COL13A1: variants seen among roughly 807,000 people sequenced by gnomAD.
COL13A1 encodes collagen alpha-1(XIII) chain.
In COL13A1, 89 loss-of-function variants were observed where a neutral mutation model predicts 130.9. That is an observed-to-expected ratio of 0.68 (90% CI 0.57 to 0.81). COL13A1 has a LOEUF of 0.81. Among genes scored for constraint, COL13A1 ranks in the 30% least tolerant of loss-of-function variants. The pLI is 0.00. For synonymous variants in COL13A1, 402 were observed against 341.6 expected, an observed-to-expected ratio of 1.18 and a Z score of -1.95; for missense variants, 879 against 934.6, an observed-to-expected ratio of 0.94 and a Z score of 0.78.
intron 17 of COL13A1, among the ~76,000 whole-genome samples, chr10:69,909,376 C>T (rs1233957383): frequency 2.0e-5 from 3 of 152,228 alleles, no homozygotes; most frequent in Admixed American, 2.0e-4. Context: ...GTGAGGCCAT[C>T]ATGCCCCATC....
At chr10:69,930,300 G>A (rs1418611369) in intron 29 of COL13A1, 100 bp from the exon 30 acceptor site, 4 of 1,214,916 alleles carry the variant, frequency 3.3e-6, no homozygotes, top group South Asian at 1.6e-5. Context: ...CCCCAGACAA[G>A]CACCAAAGAG....
At chr10:69,922,882 A>T (rs548030935) in intron 23 of COL13A1, 88 bp downstream of exon 23, 1 of 860,740 alleles carries the variant, frequency 1.2e-6, no homozygotes, top group Non-Finnish European at 1.7e-6. Context: ...CGTCCCGGAC[A>T]TCCCGCCTTC....
intron 1 of COL13A1, among the ~76,000 whole-genome samples, chr10:69,811,958 T>C (rs1264161208): frequency 2.0e-5 from 3 of 152,098 alleles, no homozygotes; most frequent in African/African-American, 7.2e-5. Context: ...TCTGCAGACC[T>C]GTCCTCTCCT....
At chr10:69,853,898 A>G (rs1179004367) in intron 2 of COL13A1, among the ~76,000 whole-genome samples, 2 of 152,206 alleles carry the variant, frequency 1.3e-5, no homozygotes, top group Non-Finnish European at 1.5e-5. Context: ...AACAGTTGAG[A>G]GTGGGCATGG....
chr10:69,854,123 A>G (rs565249320), intron 2 of COL13A1, among the ~76,000 whole-genome samples: 21 of 152,314 alleles, frequency 1.4e-4, no homozygotes, highest in South Asian at 4.2e-4. Flanking sequence ...TGGCACGTAC[A>G]CTGGAGGCCA....
intron 32 of COL13A1, among the ~76,000 whole-genome samples, chr10:69,936,172 GGAAGGAAAGGA>G (rs1173562990): frequency 2.7e-3 from 19 of 7,066 alleles, no homozygotes; most frequent in South Asian, 0.014. Flanking sequence ...AAGGAAGGAA[GGAAGGAAAGGA>G]AAGGAAGGAA....
At chr10:69,808,992 G>A (rs926539363) in intron 1 of COL13A1, among the ~76,000 whole-genome samples, 17 of 152,200 alleles carry the variant, frequency 1.1e-4, no homozygotes, top group African/African-American at 4.1e-4. Flanking sequence ...GTTCCCCACT[G>A]GGCAGAGAAG....
At chr10:69,876,258 G>A (rs1235325615) in intron 5 of COL13A1, among the ~76,000 whole-genome samples, 3 of 152,174 alleles carry the variant, frequency 2.0e-5, no homozygotes, top group African/African-American at 4.8e-5. Context: ...GCACAGTCAG[G>A]AAGTGGCTGA....
intron 7 of COL13A1, among the ~76,000 whole-genome samples, chr10:69,881,661 C>A (rs1192272890): frequency 6.6e-6 from 1 of 152,172 alleles, no homozygotes; most frequent in Non-Finnish European, 1.5e-5. Context: ...CTTGAGTGGC[C>A]CTGGGCTGAG....
Position 69,944,013 on chromosome 10 carries a change from C to T in COL13A1, c.1915-112C>T, listed in dbSNP as rs2068062068. 1.1e-5 allele frequency: 9 copies of T among 854,552 alleles called. No homozygotes were observed. The South Asian group carries it at 1.3e-4, about 13-fold the overall frequency. The allele number at this position is 854,552 out of a possible 1,614,324, so 52.9% of individuals were successfully genotyped here. On this transcript the variant is annotated intron_variant, in intron 35 of 40. Coordinates refer to ENST00000645393, the MANE Select transcript of COL13A1 (RefSeq NM_001368882.1). ...ACTGCCCTGAACGAGCCTGGCCTCG[C>T]CAACTCTGAAAACTGGGCCTTGGAC...
chr10:69,944,436 A>T (rs966416863), intron 36 of COL13A1, among the ~76,000 whole-genome samples: 1 of 152,188 alleles, frequency 6.6e-6, no homozygotes, highest in Non-Finnish European at 1.5e-5. Context: ...TGGGAGGATC[A>T]CTTGAGCTCA....
chr10:69,834,382 G>A (rs1344712924), intron 2 of COL13A1, among the ~76,000 whole-genome samples: 2 of 152,176 alleles, frequency 1.3e-5, no homozygotes, highest in South Asian at 2.1e-4. Flanking sequence ...GGGGAGTAAC[G>A]AGAGGGAGGT....
chr10:69,835,670 T>C (rs199547934), intron 2 of COL13A1, among the ~76,000 whole-genome samples: 1 of 152,022 alleles, frequency 6.6e-6, no homozygotes, highest in Admixed American at 6.6e-5. Flanking sequence ...AGTGGCAGGG[T>C]TGGGACTGGA....
chr10:69,946,548 G>A (rs1274504420), intron 37 of COL13A1, among the ~76,000 whole-genome samples: 5 of 152,220 alleles, frequency 3.3e-5, no homozygotes, highest in Admixed American at 6.5e-5. Flanking sequence ...TCTGGGCCAG[G>A]CTTGTCTCAT....
At chr10:69,878,390 CT>C (rs2059816150) in intron 6 of COL13A1, among the ~76,000 whole-genome samples, 1 of 152,192 alleles carries the variant, frequency 6.6e-6, no homozygotes, top group Non-Finnish European at 1.5e-5. Context: ...ACCCCCGAGG[CT>C]ATGGAATAGA....
intron 1 of COL13A1, among the ~76,000 whole-genome samples, chr10:69,817,862 G>T (rs1194721301): frequency 1.3e-5 from 2 of 152,158 alleles, no homozygotes; most frequent in Admixed American, 1.3e-4. Context: ...ATGGAGATCT[G>T]TGGGCAGAGT....
intron 36 of COL13A1, among the ~76,000 whole-genome samples, chr10:69,944,470 A>G (rs2068146495): frequency 6.6e-6 from 1 of 152,132 alleles, no homozygotes; most frequent in South Asian, 2.1e-4. Flanking sequence ...AGCCTGGACA[A>G]CATAGCGCAA....
At chr10:69,838,453 T>C (rs747610066) in intron 2 of COL13A1, among the ~76,000 whole-genome samples, 19 of 152,208 alleles carry the variant, frequency 1.2e-4, no homozygotes, top group Non-Finnish European at 2.6e-4. Context: ...TCTACCTCCA[T>C]GCTGTCCTGA....
intron 2 of COL13A1, among the ~76,000 whole-genome samples, chr10:69,848,801 G>T (rs1853869875): frequency 6.6e-6 from 1 of 152,128 alleles, no homozygotes. Flanking sequence ...TGCCAAGGGG[G>T]TCACTTAAGG....
Sources: allele counts gnomAD v4.1 joint callset (sites outside exome capture counted in the v4.1 genomes callset), GRCh38; gene constraint gnomAD v4.1.1; transcripts MANE v1.5; gene names NCBI Gene and HGNC (gene_info 2026-07-23, HGNC 2026-07-21).